Variants in WASHC5 observed in about 807,000 individuals in gnomAD.
WASHC5 encodes the protein WASH complex subunit 5.
In WASHC5, 101 loss-of-function variants were observed where a neutral mutation model predicts 150.4. The observed-to-expected ratio is 0.67, with a 90% CI of 0.57 to 0.79. The LOEUF (loss-of-function observed/expected upper bound fraction) is 0.79. Among genes scored for constraint, WASHC5 ranks in the 30% least tolerant of loss-of-function variants. WASHC5 has a pLI of 0.00. For synonymous variants in WASHC5, 467 were observed against 491.2 expected, an observed-to-expected ratio of 0.95 and a Z score of 0.65; for missense variants, 1,195 against 1,396.3, an observed-to-expected ratio of 0.86 and a Z score of 2.30.
chr8:125,031,713 C>T (rs1815543156), intron 27 of WASHC5, among the ~76,000 whole-genome samples: 2 of 152,022 alleles, frequency 1.3e-5, no homozygotes, highest in Non-Finnish European at 2.9e-5. Context: ...TTTCTTTATC[C>T]CAGAAAAGCC....
At chr8:125,064,362 C>A (rs1450732738) in intron 10 of WASHC5, among the ~76,000 whole-genome samples, 3 of 147,292 alleles carry the variant, frequency 2.0e-5, no homozygotes, top group African/African-American at 7.8e-5. Flanking sequence ...GCCACTACAC[C>A]TGGTTAATTT....
chr8:125,041,638 C>CAA (rs34663374), intron 23 of WASHC5, among the ~76,000 whole-genome samples: 79 of 145,184 alleles, frequency 5.4e-4, no homozygotes, highest in African/African-American at 1.9e-3. Context: ...GAGACTGTCT[C>CAA]AAAAAAAAAA....
intron 17 of WASHC5, among the ~76,000 whole-genome samples, chr8:125,054,902 CAGAG>C (rs905291382): frequency 4.0e-5 from 6 of 148,390 alleles, no homozygotes; most frequent in East Asian, 2.0e-4. Context: ...GGAAGGAAAA[CAGAG>C]AGAGAGAAGA....
Position 125,082,303 on chromosome 8 carries a change from T to C in WASHC5, c.417+80A>G, listed in dbSNP as rs1817287399. ...TCTTTAAAGAATGGTATTTCGTATA[T>C]ATTTGTGACTTAAAAGAAAAAAAAG... On this transcript the variant is annotated intron_variant, in intron 4 of 28. Transcript: ENST00000318410. The C allele has an allele frequency of 8.6e-6, 7 of 812,972 alleles. No individual in the cohort carries two copies. The Admixed American group carries it at 1.1e-4, about 13-fold the overall frequency. The allele number at this position is 812,972 out of a possible 1,614,324, so 50.4% of individuals were successfully genotyped here. A position where few individuals can be genotyped will look rare whatever the true frequency, so the allele number is the denominator to read the frequency against.
At chr8:125,059,106 T>C in intron 14 of WASHC5, 116 bp downstream of exon 14, 1 of 766,816 alleles carries the variant, frequency 1.3e-6, no homozygotes. Flanking sequence ...TCTATAAAAA[T>C]ATTGAAATTA....
At position 125,083,626 on chromosome 8, in the gene WASHC5, C is replaced by A. The variant is rs12682006; in HGVS notation, c.186+87G>T. 282,998 of 1,061,172 alleles carry A rather than the reference C, an allele frequency of 0.27. 45,009 individuals are homozygous for A. The highest frequency in any genetic ancestry group is 0.59 in the African/African-American group (36,429 of 62,150). The allele number at this position is 1,061,172 out of a possible 1,614,324, so 65.7% of individuals were successfully genotyped here. On this transcript the variant is annotated intron_variant, in intron 2 of 28. Transcript: ENST00000318410. ...CTTCTCTTTAGCTTTTTCCATAATT[C>A]CTTAACCTTACAGAGTTTCATGGTT...
rs1586389833 is a variant in WASHC5, at chr8:125,082,964, G to C, written c.332+149C>G. On this transcript the variant is annotated intron_variant, in intron 3 of 28. Transcript: ENST00000318410. ...AACTTCAAAATTCTTAAGATGACCA[G>C]TGCCACAGGTAGGAAAAGACAACTA... 5 of 579,396 alleles carry C rather than the reference G, an allele frequency of 8.6e-6. No individual in the cohort carries two copies. The East Asian group carries it at 1.5e-4, about 17-fold the overall frequency. The allele number at this position is 579,396 out of a possible 1,614,324, so 35.9% of individuals were successfully genotyped here. A position where few individuals can be genotyped will look rare whatever the true frequency, so the allele number is the denominator to read the frequency against.
chr8:125,057,022 C>T (rs1816427960), intron 15 of WASHC5, among the ~76,000 whole-genome samples: 1 of 152,138 alleles, frequency 6.6e-6, no homozygotes, highest in African/African-American at 2.4e-5. Flanking sequence ...TCTAAAAATG[C>T]TGCAAAAGAC....
At chr8:125,052,520 A>G (rs1674506662) in intron 17 of WASHC5, among the ~76,000 whole-genome samples, 1 of 152,076 alleles carries the variant, frequency 6.6e-6, no homozygotes, top group Admixed American at 6.6e-5. Context: ...GGGATCATAT[A>G]CATGTATATG....
At chr8:125,042,277 T>C (rs1167909691) in intron 23 of WASHC5, among the ~76,000 whole-genome samples, 1 of 152,206 alleles carries the variant, frequency 6.6e-6, no homozygotes, top group Non-Finnish European at 1.5e-5. Context: ...GATGTGTGGC[T>C]ATTTATATTT....
At position 125,079,116 on chromosome 8, in the gene WASHC5, G is replaced by A. The variant is rs57303420; in HGVS notation, c.519-186C>T. The stretch of plus-strand genomic sequence containing the variant: ...TGTGTATATATATGTGTGTGTGTGT[G>A]TATATATATATATATATATATATAC... On this transcript the variant is annotated intron_variant, in intron 5 of 28. Coordinates refer to ENST00000318410, the MANE Select transcript of WASHC5 (RefSeq NM_014846.4). Among the ~76,000 whole-genome samples, 25,633 of 97,344 alleles carry A rather than the reference G, an allele frequency of 0.26. 4,102 individuals carry two copies. Among genetic ancestry groups the A allele is most frequent in the South Asian group, 0.41 (1,142 of 2,772 alleles). 63.9% of individuals were successfully genotyped at this position (97,344 alleles called of 152,430 possible).
At chr8:125,032,491 T>G in intron 26 of WASHC5, 97 bp from the exon 27 acceptor site, 46 of 1,263,670 alleles carry the variant, frequency 3.6e-5, no homozygotes, top group Middle Eastern at 2.6e-4. Context: ...TTGGGGCCCA[T>G]ATTCTCGCTG....
intron 5 of WASHC5, among the ~76,000 whole-genome samples, chr8:125,079,139 T>TATATATATATAC (rs1377087490): frequency 7.7e-6 from 1 of 129,574 alleles, no homozygotes; most frequent in African/African-American, 3.6e-5. Context: ...TATATATATA[T>TATATATATATAC]ACATTTTTTT....
intron 6 of WASHC5, among the ~76,000 whole-genome samples, chr8:125,076,903 A>T (rs1237714405): frequency 1.3e-4 from 20 of 152,082 alleles, no homozygotes. Flanking sequence ...TTCGACCTCC[A>T]TCATCATCCC....
Position 125,047,298 on chromosome 8 carries a change from G to C in WASHC5, c.2413C>G (p.His805Asp). 2 of 1,613,892 alleles carry C rather than the reference G, an allele frequency of 1.2e-6. No homozygotes were observed. Among genetic ancestry groups the C allele is most frequent in the Non-Finnish European group, 8.5e-7 (1 of 1,179,762 alleles). ...GGGGTAAACTTGGGTATTGGAATAT[G>C]AGTGGACTGGTACATGCTTTGCCAA... The part of the protein sequence containing the change: ...QDWQSMYQST[H>D]IPIPKFTPVD... The change falls in exon 20 of 29, where the codon CAT (histidine) becomes GAT (aspartate). Residue 805 changes from histidine to aspartate, a missense_variant. His to Asp is a moderately conservative substitution (Grantham distance 81). This residue lies in a region of WASHC5 where 997 missense variants were observed against 1,168.1 expected (regional missense o/e 0.85). Transcript: ENST00000318410.
Position 125,075,335 on chromosome 8 carries a change from C to T in WASHC5, c.865-224G>A, listed in dbSNP as rs78121482. 0.11 allele frequency among the ~76,000 whole-genome samples: 16,724 copies of T among 151,952 alleles called. 2,143 individuals carry two copies. Among genetic ancestry groups the T allele is most frequent in the African/African-American group, 0.31 (12,762 of 41,338 alleles). Reference sequence around the variant, plus strand: ...ATAAAGATCTCTTTACACCTATTAACGTTGCTTTTTGAAATTCTCTATTGT... The same window carrying T: ...ATAAAGATCTCTTTACACCTATTAATGTTGCTTTTTGAAATTCTCTATTGT... On this transcript the variant is annotated intron_variant, in intron 7 of 28. Transcript: ENST00000318410.
At chr8:125,062,569 G>A (rs1221358743) in intron 11 of WASHC5, among the ~76,000 whole-genome samples, 1 of 152,128 alleles carries the variant, frequency 6.6e-6, no homozygotes, top group Non-Finnish European at 1.5e-5. Context: ...TGCAAAACAT[G>A]TTTCTAGTTT....
At chr8:125,037,355 A>C in intron 25 of WASHC5, 22 bp from the exon 26 acceptor site, 1 of 1,354,168 alleles carries the variant, frequency 7.4e-7, no homozygotes, top group Non-Finnish European at 1.1e-6. Flanking sequence ...AAGGTAAGAA[A>C]AATAGATGGT....
intron 1 of WASHC5, 59 bp from the exon 2 acceptor site, chr8:125,084,081 C>G: frequency 1.7e-6 from 1 of 604,150 alleles, no homozygotes; most frequent in Non-Finnish European, 2.9e-6. Flanking sequence ...CATGTGTACA[C>G]ATAAGAAACA....
Sources: gnomAD v4.1 joint callset for allele counts (sites outside exome capture counted in the v4.1 genomes callset) on GRCh38, gnomAD v4.1.1 for gene constraint, gnomAD v4.1.1 regional missense constraint, MANE v1.5 for transcripts, NCBI Gene and HGNC (gene_info 2026-07-23, HGNC 2026-07-21) for gene names.